MPEG1: variants seen among roughly 807,000 people sequenced by gnomAD.
The protein encoded by MPEG1 is macrophage-expressed gene 1 protein.
For synonymous variants in MPEG1, 365 were observed against 351.9 expected (o/e 1.04, Z -0.42); for missense variants, 876 against 880.3 (o/e 1.00, Z 0.06).
chr11:59,211,137 A>C lies in MPEG1; in HGVS notation c.1729T>G (p.Cys577Gly). The change falls in exon 1 of 1, where the codon TGC (cysteine) becomes GGC (glycine). Residue 577 changes from cysteine (C) to glycine (G), a missense_variant. Cys to Gly is a radical substitution (Grantham distance 159). Coordinates refer to ENST00000361050, the MANE Select transcript of MPEG1 (RefSeq NM_001039396.2). ...CCTGTGAAGAGCCCGGATTTGACGC[A>C]ATAGGACACTTGGCATCCATCGCTG... ...LISDGCQVSY[C>G]VKSGLFTGGS... The C allele has an allele frequency of 6.2e-7, 1 of 1,614,228 alleles. No individual in the cohort carries two copies. Among genetic ancestry groups the C allele is most frequent in the Non-Finnish European group, 8.5e-7 (1 of 1,180,034 alleles).
Position 59,211,971 on chromosome 11 carries a change from G to C in MPEG1, c.895C>G (p.His299Asp). Residue 299 changes from histidine to aspartate, a missense_variant, in exon 1 of 1, where the codon CAC becomes GAC. Transcript: ENST00000361050. ...CCAGAGCGGTCGATGGCCACCAGGT[G>C]GTTGGTGATACCCTGCTGCCAGGCC... ...LQAWQQGITN[H>D]LVAIDRSGLP... 1 of 1,611,398 alleles carries C rather than the reference G, an allele frequency of 6.2e-7. No homozygotes were observed. The highest frequency in any genetic ancestry group is 1.7e-4 in the Middle Eastern group (1 of 6,040).
In MPEG1 at chr11:59,212,170, A is replaced by C. The variant is rs138151828; in HGVS notation, c.696T>G (p.Ser232Arg). The C allele has an allele frequency of 1.2e-3, 1,882 of 1,614,160 alleles. 36 individuals carry two copies. In the East Asian group the frequency reaches 0.037, roughly 31 times the overall value. ...CAGCAGAGGCGGTCACGGCACTACG[A>C]CTGCTCTGGCTGTCTTGGAGGAAGG... ...RASFLQDSQS[S>R]RSAVTASAGL... The change falls in exon 1 of 1, where the codon AGT becomes AGG. Residue 232 changes from serine to arginine, a missense_variant. By Grantham distance (110) the Ser-to-Arg change is moderately radical. Transcript: ENST00000361050.
chr11:59,210,697 C>A lies in MPEG1; in HGVS notation c.*18G>T, dbSNP rs927984114. The stretch of plus-strand genomic sequence containing the variant: ...ATGACCACACTGGAGATGAGAGAAA[C>A]CATTTTCGGGGAGAGATTTAAGCTG... On this transcript the variant is annotated 3_prime_UTR_variant, in exon 1 of 1. Coordinates refer to ENST00000361050, the MANE Select transcript of MPEG1 (RefSeq NM_001039396.2). 3.7e-6 allele frequency: 6 copies of A among 1,604,670 alleles called. No individual in the cohort carries two copies. Among genetic ancestry groups the A allele is most frequent in the Non-Finnish European group, 5.1e-6 (6 of 1,174,264 alleles).
In MPEG1 at chr11:59,211,141, G is replaced by T; in HGVS notation, c.1725C>A (p.Ser575=). 1 of 1,614,210 alleles carries T rather than the reference G, an allele frequency of 6.2e-7. No individual in the cohort carries two copies. The highest frequency in any genetic ancestry group is 8.5e-7 in the Non-Finnish European group (1 of 1,180,034). The stretch of plus-strand genomic sequence containing the variant: ...TGAAGAGCCCGGATTTGACGCAATA[G>T]GACACTTGGCATCCATCGCTGATGA... ...PALISDGCQV[S]YCVKSGLFTG... The change falls in exon 1 of 1, where the codon TCC becomes TCA. Residue 575 remains serine, a synonymous_variant. Coordinates refer to ENST00000361050, the MANE Select transcript of MPEG1 (RefSeq NM_001039396.2).
rs933947148 is a variant in MPEG1 at position 59,210,422 on chromosome 11, C to G, written c.*293G>C. On this transcript the variant is annotated 3_prime_UTR_variant, in exon 1 of 1. Transcript: ENST00000361050. ...TCCAAATACAAATGTTCACATTGTC[C>G]CTCCGCTATTTTTACACAAATGCAT... The G allele has an allele frequency of 4.7e-5, 17 of 358,752 alleles. No individual in the cohort carries two copies. Among genetic ancestry groups the G allele is most frequent in the African/African-American group, 3.1e-4 (15 of 48,088 alleles). The allele number at this position is 358,752 out of a possible 1,614,324, so 22.2% of individuals were successfully genotyped here. A position where few individuals can be genotyped will look rare whatever the true frequency, so the allele number is the denominator to read the frequency against.
rs1228679519 is a variant in MPEG1 at position 59,208,662 on chromosome 11, TC to T, written c.*2052del. On this transcript the variant is annotated 3_prime_UTR_variant, in exon 1 of 1. Coordinates refer to ENST00000361050, the MANE Select transcript of MPEG1 (RefSeq NM_001039396.2). ...GTTTTCTTGGAAGCCAGGGTTGGTC[TC>T]CCCACAGACCCCAGGCTAAGGTCAC... The T allele has an allele frequency of 1.3e-5, 2 of 152,130 alleles. No homozygotes were observed. The highest frequency in any genetic ancestry group is 1.5e-5 in the Non-Finnish European group (1 of 68,030). 9.4% of individuals were successfully genotyped at this position (152,130 alleles called of 1,614,324 possible).
In MPEG1 at chr11:59,212,554, C is replaced by A; in HGVS notation, c.312G>T (p.Trp104Cys). Residue 104 changes from tryptophan to cysteine, a missense_variant, in exon 1 of 1, where the codon TGG (tryptophan) becomes TGT (cysteine). Trp to Cys is a radical substitution (Grantham distance 215). Coordinates refer to ENST00000361050, the MANE Select transcript of MPEG1 (RefSeq NM_001039396.2). ...LEMNSEILES[W>C]ANYQSSTSYS... ...AGGAGGTGCTACTCTGGTAATTTGC[C>A]CAGGATTCCAGGATTTCTGAGTTCA... 1.9e-6 allele frequency: 3 copies of A among 1,614,110 alleles called. No homozygotes were observed. The highest frequency in any genetic ancestry group is 2.5e-6 in the Non-Finnish European group (3 of 1,180,036).
Position 59,212,511 on chromosome 11 carries a change from G to C in MPEG1, c.355C>G (p.Leu119Val), listed in dbSNP as rs767069047. ...CCATTGACTTTGGAAAAAAGAGAGA[G>C]TTCTGTGTTGATGGAGTAGGAGGTG... ...SSTSYSINTE[L>V]SLFSKVNGKF... The change falls in exon 1 of 1, where the codon CTC (leucine) becomes GTC (valine). Residue 119 changes from leucine (L) to valine (V), a missense_variant. Coordinates refer to ENST00000361050, the MANE Select transcript of MPEG1 (RefSeq NM_001039396.2). 3 of 1,614,210 alleles carry C rather than the reference G, an allele frequency of 1.9e-6. No homozygotes were observed. The highest frequency in any genetic ancestry group is 2.5e-6 in the Non-Finnish European group (3 of 1,180,038).
chr11:59,212,714 C>CA lies in MPEG1; in HGVS notation c.151dup (p.Trp51LeufsTer32), dbSNP rs758901045. The CA allele has an allele frequency of 6.2e-6, 10 of 1,614,086 alleles. No homozygotes were observed. The Admixed American group carries it at 1.0e-4, about 16-fold the overall frequency. Reference sequence around the variant, plus strand: ...CATGTCCACATTCCGCAGATTGTCCCAGCCCCCTCCAGGTAGGACTTCCAG... The same window carrying CA: ...CATGTCCACATTCCGCAGATTGTCCCAAGCCCCCTCCAGGTAGGACTTCCAG... On this transcript the variant is annotated frameshift_variant, in exon 1 of 1. Transcript: ENST00000361050. LOFTEE classifies it low-confidence loss of function (END_TRUNC).
chr11:59,209,616 A>C lies in MPEG1; in HGVS notation c.*1099T>G, dbSNP rs1862860120. The C allele has an allele frequency of 6.6e-6, 1 of 152,200 alleles. No homozygotes were observed. Among genetic ancestry groups the C allele is most frequent in the African/African-American group, 2.4e-5 (1 of 41,446 alleles). The allele number at this position is 152,200 out of a possible 1,614,324, so 9.4% of individuals were successfully genotyped here. On this transcript the variant is annotated 3_prime_UTR_variant, in exon 1 of 1. Transcript: ENST00000361050. ...ATGTCAGCTCCCTTTCTGCTGGAAA[A>C]AAAAGTAGTTTGCATAATTGGTGTT... is the stretch of plus-strand genomic sequence containing the variant.
Position 59,212,639 on chromosome 11 carries a change from C to CCA in MPEG1, c.225_226dup (p.Gly76ValfsTer22). 1 of 1,614,204 alleles carries CCA rather than the reference C, an allele frequency of 6.2e-7. No homozygotes were observed. The highest frequency in any genetic ancestry group is 8.5e-7 in the Non-Finnish European group (1 of 1,180,024). ...GATTTCATCAGGGATGATATACTGT[C>CCA]CATCCTCTGTTGTCCTGCAGTTGGA... On this transcript the variant is annotated frameshift_variant, in exon 1 of 1. Coordinates refer to ENST00000361050, the MANE Select transcript of MPEG1 (RefSeq NM_001039396.2). LOFTEE classifies it low-confidence loss of function (END_TRUNC).
At position 59,211,013 on chromosome 11, in the gene MPEG1, G is replaced by A. The variant is rs770334566; in HGVS notation, c.1853C>T (p.Ala618Val). The change falls in exon 1 of 1, where the codon GCG becomes GTG. Residue 618 changes from alanine (A) to valine (V), a missense_variant. Coordinates refer to ENST00000361050, the MANE Select transcript of MPEG1 (RefSeq NM_001039396.2). ...NTVIVTNSEN[A>V]RSWIKDSQTH... ...CTGGGAGTCTTTAATCCAGGATCTC[G>A]CATTCTCAGAATTGGTCACTATGAC... is the stretch of plus-strand genomic sequence containing the variant. 11 of 1,614,126 alleles carry A rather than the reference G, an allele frequency of 6.8e-6. No homozygotes were observed. The highest frequency in any genetic ancestry group is 2.2e-5 in the East Asian group (1 of 44,884).
chr11:59,210,691 G>C lies in MPEG1; in HGVS notation c.*24C>G, dbSNP rs543069505. On this transcript the variant is annotated 3_prime_UTR_variant, in exon 1 of 1. Coordinates refer to ENST00000361050, the MANE Select transcript of MPEG1 (RefSeq NM_001039396.2). ...TCAGCAATGACCACACTGGAGATGA[G>C]AGAAACCATTTTCGGGGAGAGATTT... 1.2e-6 allele frequency: 2 copies of C among 1,600,918 alleles called. No homozygotes were observed. Among genetic ancestry groups the C allele is most frequent in the Admixed American group, 1.7e-5 (1 of 59,546 alleles).
chr11:59,210,945 C>A lies in MPEG1; in HGVS notation c.1921G>T (p.Ala641Ser), dbSNP rs770175390. 6 of 1,614,176 alleles carry A rather than the reference C, an allele frequency of 3.7e-6. No individual in the cohort carries two copies. The East Asian group carries it at 6.7e-5, about 18-fold the overall frequency. Residue 641 changes from alanine (A) to serine (S), a missense_variant, in exon 1 of 1, where the codon GCC (alanine) becomes TCC (serine). By Grantham distance (99) the Ala-to-Ser change is moderately conservative (BLOSUM62 1). Transcript: ENST00000361050. ...RLGEPIELRR[A>S]MNVIHGDGGG... ...CCATCCCCATGGATGACATTCATGG[C>A]CCTCCGCAGCTCTATCGGTTCTCCC...
rs143527301 is a variant in MPEG1 at position 59,212,649 on chromosome 11, T to C, written c.217A>G (p.Thr73Ala). 3.0e-3 allele frequency: 4,876 copies of C among 1,614,256 alleles called. 11 individuals carry two copies. The highest frequency in any genetic ancestry group is 3.8e-3 in the Middle Eastern group (23 of 6,062). The change falls in exon 1 of 1, where the codon ACA becomes GCA. Residue 73 changes from threonine (T) to alanine (A), a missense_variant. By Grantham distance (58) the Thr-to-Ala change is moderately conservative. Coordinates refer to ENST00000361050, the MANE Select transcript of MPEG1 (RefSeq NM_001039396.2). ...GGGATGATATACTGTCCATCCTCTGTTGTCCTGCAGTTGGAGTAAGTCAAT... is the reference window on the plus strand; with the variant it reads ...GGGATGATATACTGTCCATCCTCTGCTGTCCTGCAGTTGGAGTAAGTCAAT... The part of the protein sequence containing the change: ...MELTYSNCRT[T>A]EDGQYIIPDE...
At position 59,211,621 on chromosome 11, in the gene MPEG1, G is replaced by C; in HGVS notation, c.1245C>G (p.Gly415=). The change falls in exon 1 of 1, where the codon GGC becomes GGG. Residue 415 remains glycine (G), a synonymous_variant. Coordinates refer to ENST00000361050, the MANE Select transcript of MPEG1 (RefSeq NM_001039396.2). The part of the protein sequence containing the change: ...PLTGDFSCPS[G]YSPVHLLSQI... Reference sequence around the variant, plus strand: ...GGGATAACAGGTGCACCGGGGAGTAGCCAGAGGGGCAGGAGAAATCACCAG... The same window carrying C: ...GGGATAACAGGTGCACCGGGGAGTACCCAGAGGGGCAGGAGAAATCACCAG... 2 of 1,614,200 alleles carry C rather than the reference G, an allele frequency of 1.2e-6. No homozygotes were observed. The highest frequency in any genetic ancestry group is 1.7e-6 in the Non-Finnish European group (2 of 1,180,044).
In MPEG1 at chr11:59,209,828, G is replaced by C. The variant is rs1862863707; in HGVS notation, c.*887C>G. On this transcript the variant is annotated 3_prime_UTR_variant, in exon 1 of 1. Coordinates refer to ENST00000361050, the MANE Select transcript of MPEG1 (RefSeq NM_001039396.2). ...AAAGGTAAGGACCCAGAACAATGAA[G>C]ACTTATTGAAATGTGGTATGTGTGT... is the stretch of plus-strand genomic sequence containing the variant. The C allele has an allele frequency of 6.6e-6, 1 of 151,276 alleles. No homozygotes were observed. The highest frequency in any genetic ancestry group is 2.5e-5 in the African/African-American group (1 of 39,544). 9.4% of individuals were successfully genotyped at this position (151,276 alleles called of 1,614,324 possible).
In MPEG1 at chr11:59,211,420, G is replaced by A. The variant is rs748587658; in HGVS notation, c.1446C>T (p.Leu482=). The change falls in exon 1 of 1, where the codon CTC becomes CTT. Residue 482 remains leucine (L), a synonymous_variant. Coordinates refer to ENST00000361050, the MANE Select transcript of MPEG1 (RefSeq NM_001039396.2). ...PENSGLLFGG[L]FSSKSINPMT... is the part of the protein sequence containing the mutation. ...TGGGGTTTATGCTCTTGCTGCTGAA[G>A]AGGCCCCCAAAAAGCAGTCCTGAGT... 2.9e-5 allele frequency: 47 copies of A among 1,614,026 alleles called. No homozygotes were observed. The highest frequency in any genetic ancestry group is 3.9e-5 in the Non-Finnish European group (46 of 1,180,002).
rs761891637 is a variant in MPEG1, at chr11:59,212,461, C to T, written c.405G>A (p.Arg135=). The change falls in exon 1 of 1, where the codon AGG becomes AGA. Residue 135 remains arginine, a synonymous_variant. Transcript: ENST00000361050. Reference sequence around the variant, plus strand: ...GGTCCTTCACTTGGAGGGTCTTCATCCTCTGGAACTCAGTGGAAAACTTGC... The same window carrying T: ...GGTCCTTCACTTGGAGGGTCTTCATTCTCTGGAACTCAGTGGAAAACTTGC... ...VNGKFSTEFQ[R]MKTLQVKDQA... The T allele has an allele frequency of 6.2e-7, 1 of 1,614,042 alleles. No individual in the cohort carries two copies. Among genetic ancestry groups the T allele is most frequent in the South Asian group, 1.1e-5 (1 of 91,078 alleles).
Sources: allele counts gnomAD v4.1 joint callset, GRCh38; gene constraint gnomAD v4.1.1; transcripts MANE v1.5; gene names NCBI Gene and HGNC (gene_info 2026-07-23, HGNC 2026-07-21).